Variants in COL4A4 observed in about 807,000 individuals in gnomAD.
COL4A4 encodes collagen type IV alpha 4 chain.
Under a neutral mutation model 192.9 loss-of-function variants are expected in COL4A4, and 105 were observed. The ratio of observed to expected loss-of-function variants is 0.54; its 90% CI spans 0.46 to 0.64. COL4A4 has a LOEUF of 0.64. Among genes scored for constraint, COL4A4 ranks in the 30% least tolerant of loss-of-function variants. The pLI is 0.00. For synonymous variants in COL4A4, 762 were observed against 769.9 expected (o/e 0.99, Z 0.17); for missense variants, 1,967 against 2,169.3 (o/e 0.91, Z 1.85).
the COL4A4 span, chr2:226,988,385 G>A: frequency 6.4e-6 from 10 of 1,550,494 alleles, no homozygotes; most frequent in Middle Eastern, 1.7e-4. Context: ...CAAGATAAAG[G>A]TCAGAACAGA....
In COL4A4 at chr2:227,075,945, C is replaced by T. The variant is rs191385702; in HGVS notation, c.1987+1949G>A. 4.9e-3 allele frequency among the ~76,000 whole-genome samples: 744 copies of T among 152,148 alleles called. 7 individuals are homozygous for T. The highest frequency in any genetic ancestry group is 0.017 in the African/African-American group (716 of 41,504). ...AACTTACAAGGAATATGAAGGACCT[C>T]TTCAAGGAGAACTACAAACTACTGC... On this transcript the variant is annotated intron_variant, in intron 25 of 47. Transcript: ENST00000396625.
In COL4A4 at chr2:227,140,198, C is replaced by A. The variant is rs773187959; in HGVS notation, c.155G>T (p.Cys52Phe). The A allele has an allele frequency of 1.1e-5, 17 of 1,613,990 alleles. No individual in the cohort carries two copies. The highest frequency in any genetic ancestry group is 8.9e-5 in the East Asian group (4 of 44,880). ...KYIGPCGGRD[C>F]SVCHCVPEKG... ...TTCAGGAACACAGTGGCAAACAGAG[C>A]AATCTCTTCCTCCACAAGGACCAAT... The change falls in exon 4 of 48, where the codon TGC becomes TTC. Residue 52 changes from cysteine to phenylalanine, a missense_variant. Coordinates refer to ENST00000396625, the MANE Select transcript of COL4A4 (RefSeq NM_000092.5).
Position 227,008,250 on chromosome 2 carries a change from T to C in COL4A4, c.4577A>G (p.Asn1526Ser), listed in dbSNP as rs1962639496. ...VFSTLPFAYC[N>S]IHQVCHYAQR... is the part of the protein sequence containing the mutation. ...GGCATAGTGGCACACCTGGTGGATG[T>C]TGCAGTAGGCAAAGGGCAGCGTGCT... The change falls in exon 47 of 48, where the codon AAC becomes AGC. Residue 1526 changes from asparagine (N) to serine (S), a missense_variant. Coordinates refer to ENST00000396625, the MANE Select transcript of COL4A4 (RefSeq NM_000092.5). 2 of 1,614,088 alleles carry C rather than the reference T, an allele frequency of 1.2e-6. No individual in the cohort carries two copies. The highest frequency in any genetic ancestry group is 1.1e-5 in the South Asian group (1 of 91,088).
chr2:226,995,395 G>A, the COL4A4 span: 15 of 1,369,656 alleles, frequency 1.1e-5, no homozygotes, highest in Middle Eastern at 3.5e-4. Context: ...TGTCACGTCA[G>A]AATGATTGAT....
At chr2:227,100,801 C>A (rs929642373) in intron 17 of COL4A4, among the ~76,000 whole-genome samples, 3 of 147,788 alleles carry the variant, frequency 2.0e-5, no homozygotes, top group African/African-American at 7.7e-5. Flanking sequence ...GTCTTTCCTG[C>A]GCTATTCTTT....
intron 44 of COL4A4, among the ~76,000 whole-genome samples, chr2:227,015,431 C>T (rs1244390783): frequency 6.6e-6 from 1 of 152,104 alleles, no homozygotes; most frequent in African/African-American, 2.4e-5. Flanking sequence ...TGGGGGGGAC[C>T]TCAGCGAGCT....
chr2:227,145,530 T>C (rs987219836), intron 2 of COL4A4, among the ~76,000 whole-genome samples: 1 of 152,190 alleles, frequency 6.6e-6, no homozygotes, highest in Admixed American at 6.5e-5. Flanking sequence ...GGATCCATCA[T>C]CTTATTTAAC....
intron 43 of COL4A4, chr2:227,022,610 C>T (rs1575818456): frequency 1.9e-6 from 1 of 518,100 alleles, no homozygotes; most frequent in Admixed American, 2.0e-5. Context: ...TTACTCTACA[C>T]TGCAGCCACG....
the COL4A4 span, among the ~76,000 whole-genome samples, chr2:226,979,908 T>C: frequency 6.6e-6 from 1 of 152,166 alleles, no homozygotes; most frequent in Non-Finnish European, 1.5e-5. Flanking sequence ...ACAGGACAGA[T>C]AGAGAACAAT....
Position 227,023,212 on chromosome 2 carries a change from G to A in COL4A4, c.4091-1039C>T, listed in dbSNP as rs187529393. Among the ~76,000 whole-genome samples, 1,263 of 151,900 alleles carry A rather than the reference G, an allele frequency of 8.3e-3. 12 individuals carry two copies. The highest frequency in any genetic ancestry group is 0.011 in the Non-Finnish European group (736 of 67,974). On this transcript the variant is annotated intron_variant, in intron 43 of 47. Coordinates refer to ENST00000396625, the MANE Select transcript of COL4A4 (RefSeq NM_000092.5). ...TCCCAGCACTTTGGGAAGCCGAGGC[G>A]GGTGGATCACTTGAGATCAGGAGTT...
chr2:227,077,973 A>T lies in COL4A4; in HGVS notation c.1908T>A (p.Gly636=). 6.2e-7 allele frequency: 1 copy of T among 1,613,792 alleles called. No homozygotes were observed. The highest frequency in any genetic ancestry group is 8.5e-7 in the Non-Finnish European group (1 of 1,179,992). Residue 636 remains glycine (G), a synonymous_variant, in exon 25 of 48, where the codon GGT becomes GGA. Transcript: ENST00000396625. The stretch of plus-strand genomic sequence containing the variant: ...CTGGGTGGCCTCGCTCTCCTGGTGG[A>T]CCAGGAAATCCCAGTCCTGGGGGCC... The part of the protein sequence containing the change: ...PVGPPGLGFP[G]PPGERGHPGV...
the COL4A4 span, chr2:226,995,838 G>A: frequency 2.2e-5 from 7 of 314,934 alleles, no homozygotes; most frequent in African/African-American, 4.3e-5. Context: ...TGAAGACTGT[G>A]ACCTTCACCA....
chr2:226,991,681 G>T, the COL4A4 span, among the ~76,000 whole-genome samples: 1 of 152,182 alleles, frequency 6.6e-6, no homozygotes, highest in African/African-American at 2.4e-5. Context: ...GAGCTACTCA[G>T]TATTCCCATT....
In COL4A4 at chr2:227,067,530, A is replaced by G. The variant is rs1223320832; in HGVS notation, c.1988-4932T>C. On this transcript the variant is annotated intron_variant, in intron 25 of 47. Transcript: ENST00000396625. Reference sequence around the variant, plus strand: ...ATAACAAACTATCTCTCAGACCACAATGCAATCAAACTAGAACTCAGGATT... The same window carrying G: ...ATAACAAACTATCTCTCAGACCACAGTGCAATCAAACTAGAACTCAGGATT... 2.0e-4 allele frequency among the ~76,000 whole-genome samples: 31 copies of G among 152,294 alleles called. No homozygotes were observed. The East Asian group carries it at 2.7e-3, about 13-fold the overall frequency.
chr2:227,115,900 G>A (rs114518900), intron 7 of COL4A4, among the ~76,000 whole-genome samples: 5,292 of 152,270 alleles, frequency 0.035, 296 homozygotes, highest in African/African-American at 0.12. Context: ...TTGAGTACTT[G>A]CATAACGTAC....
intron 19 of COL4A4, among the ~76,000 whole-genome samples, chr2:227,094,567 T>C (rs2060108955): frequency 6.6e-6 from 1 of 152,136 alleles, no homozygotes. Context: ...GGAGTGATGT[T>C]GGTCAAAGGG....
chr2:227,091,766 C>T (rs532705203), intron 20 of COL4A4, among the ~76,000 whole-genome samples: 60 of 151,906 alleles, frequency 3.9e-4, no homozygotes, highest in Non-Finnish European at 7.1e-4. Flanking sequence ...TGTGGTGGCA[C>T]GTGCCTGTCA....
At chr2:226,993,776 C>T in the COL4A4 span, among the ~76,000 whole-genome samples, 1 of 152,134 alleles carries the variant, frequency 6.6e-6, no homozygotes, top group Non-Finnish European at 1.5e-5. Flanking sequence ...TTTTGAATTT[C>T]TCTTTGACAA....
chr2:227,016,121 T>C (rs1008721362), intron 44 of COL4A4, among the ~76,000 whole-genome samples: 19 of 151,554 alleles, frequency 1.3e-4, no homozygotes, highest in African/African-American at 4.6e-4. Context: ...GCATTTTGGG[T>C]CCTCACATGG....
Sources: gnomAD v4.1 joint callset for allele counts (sites outside exome capture counted in the v4.1 genomes callset) on GRCh38, gnomAD v4.1.1 for gene constraint, MANE v1.5 for transcripts, NCBI Gene and HGNC (gene_info 2026-07-23, HGNC 2026-07-21) for gene names.